Variants in UGP2 observed in about 807,000 individuals in gnomAD.
UGP2 encodes the protein UTP--glucose-1-phosphate uridylyltransferase.
In UGP2, 40 loss-of-function variants were observed where a neutral mutation model predicts 49.0. The ratio of observed to expected loss-of-function variants is 0.82; its 90% CI spans 0.63 to 1.06. The LOEUF (loss-of-function observed/expected upper bound fraction) is 1.06. UGP2 is among the 50% of genes least tolerant of loss of function. The pLI, the probability that UGP2 is intolerant of heterozygous loss-of-function variation, is 0.00. For synonymous variants in UGP2, 225 were observed against 213.0 expected (o/e 1.06, Z -0.49); for missense variants, 460 against 603.5 (o/e 0.76, Z 2.49).
At chr2:63,882,712 A>C in intron 4 of UGP2, 61 bp downstream of exon 4, 2 of 1,412,736 alleles carry the variant, frequency 1.4e-6, no homozygotes, top group Admixed American at 2.3e-5. Context: ...TTAAGTTATC[A>C]TAAATGTTAT....
At chr2:63,879,087 A>G (rs979058272) in intron 3 of UGP2, among the ~76,000 whole-genome samples, 1 of 152,144 alleles carries the variant, frequency 6.6e-6, no homozygotes, top group East Asian at 1.9e-4. Context: ...AAAATTAAAC[A>G]TGGTTCCTAA....
intron 1 of UGP2, among the ~76,000 whole-genome samples, chr2:63,852,328 TG>T (rs1329195947): frequency 6.6e-6 from 1 of 152,248 alleles, no homozygotes; most frequent in Non-Finnish European, 1.5e-5. Context: ...AGAATCTCTC[TG>T]GGAGCTTACC....
intron 1 of UGP2, among the ~76,000 whole-genome samples, chr2:63,845,892 G>A (rs1357487156): frequency 6.6e-6 from 1 of 152,092 alleles, no homozygotes; most frequent in Non-Finnish European, 1.5e-5. Flanking sequence ...TAAACTATTA[G>A]GTGGAAATGT....
rs879033238 is a variant in UGP2, at chr2:63,842,201, C to T, written c.16C>T (p.Gln6Ter). The T allele has an allele frequency of 5.6e-6, 9 of 1,601,358 alleles. No individual in the cohort carries two copies. In the South Asian group the frequency reaches 9.0e-5, roughly 16 times the overall value. ...AGCCCCTAAAATGTCGAGATTTGTACAAGGTAAGAAATGCTGCTGCTTATA... is the reference window on the plus strand; with the variant it reads ...AGCCCCTAAAATGTCGAGATTTGTATAAGGTAAGAAATGCTGCTGCTTATA... MSRFV[Q>*]DLSKAMSQDG... is the part of the protein sequence containing the mutation. The change falls in exon 1 of 10, where the codon CAA (glutamine) becomes TAA (stop). Residue 6 changes from glutamine to a stop codon, truncating the protein, a stop_gained. Transcript: ENST00000337130. LOFTEE classifies it high-confidence loss of function.
intron 3 of UGP2, among the ~76,000 whole-genome samples, chr2:63,882,015 T>A (rs762655329): frequency 1.3e-5 from 2 of 152,156 alleles, no homozygotes; most frequent in Non-Finnish European, 2.9e-5. Flanking sequence ...CCTCCTGTGG[T>A]AGAAGGAATA....
Position 63,842,118 on chromosome 2 carries a change from C to A in UGP2, c.-68C>A. ...TGTTAAAGCAGGAGAGGAAGAGAGA[C>A]CTGCCCTGTAGCGTGACTCCTCTAG... On this transcript the variant is annotated 5_prime_UTR_variant, in exon 1 of 10. Transcript: ENST00000337130. 1 of 1,540,302 alleles carries A rather than the reference C, an allele frequency of 6.5e-7. No homozygotes were observed. Among genetic ancestry groups the A allele is most frequent in the Non-Finnish European group, 8.7e-7 (1 of 1,152,404 alleles).
intron 3 of UGP2, among the ~76,000 whole-genome samples, chr2:63,874,166 A>G (rs1670751731): frequency 6.6e-6 from 1 of 152,228 alleles, no homozygotes. Flanking sequence ...TCAGGGTTCT[A>G]AAGTGAAAGG....
intron 3 of UGP2, among the ~76,000 whole-genome samples, chr2:63,860,762 ATTTTT>A (rs556819048): frequency 8.1e-6 from 1 of 123,702 alleles, no homozygotes; most frequent in Admixed American, 8.7e-5. Context: ...GGCCCAGCTA[ATTTTT>A]TTTTTTTTTT....
intron 1 of UGP2, chr2:63,842,450 G>T: frequency 6.5e-7 from 1 of 1,548,322 alleles, no homozygotes; most frequent in Non-Finnish European, 8.7e-7. Flanking sequence ...TAGTAGTACC[G>T]TCGCTTTCCT....
At chr2:63,844,844 G>A (rs1158824526) in intron 1 of UGP2, among the ~76,000 whole-genome samples, 1 of 152,196 alleles carries the variant, frequency 6.6e-6, no homozygotes, top group Non-Finnish European at 1.5e-5. Flanking sequence ...TTACAGGTGT[G>A]AGCTGCTAGT....
intron 3 of UGP2, among the ~76,000 whole-genome samples, chr2:63,881,634 G>C (rs1010623980): frequency 6.6e-6 from 1 of 152,194 alleles, no homozygotes; most frequent in African/African-American, 2.4e-5. Context: ...CTGCTTTGAA[G>C]AAAAGAATCT....
At chr2:63,862,391 T>G (rs757081189) in intron 3 of UGP2, among the ~76,000 whole-genome samples, 1 of 152,144 alleles carries the variant, frequency 6.6e-6, no homozygotes, top group Non-Finnish European at 1.5e-5. Context: ...AACTTTTGAT[T>G]TCATGATGAA....
At chr2:63,859,668 A>G (rs1669699415) in intron 3 of UGP2, among the ~76,000 whole-genome samples, 1 of 152,220 alleles carries the variant, frequency 6.6e-6, no homozygotes, top group Non-Finnish European at 1.5e-5. Context: ...GAATTGATAT[A>G]GGACAAAAGA....
At position 63,882,341 on chromosome 2, in the gene UGP2, T is replaced by A. The variant is rs1232520934; in HGVS notation, c.256-125T>A. On this transcript the variant is annotated intron_variant, in intron 3 of 9. Coordinates refer to ENST00000337130, the MANE Select transcript of UGP2 (RefSeq NM_006759.4). ...AAGGGCCTATGACATTAAAGAAAAG[T>A]TGATTAAAACTTTCCACAGAGAAAC... is the stretch of plus-strand genomic sequence containing the variant. The A allele has an allele frequency of 1.4e-5, 12 of 888,006 alleles. No homozygotes were observed. In the Admixed American group the frequency reaches 4.0e-4, roughly 29 times the overall value. 55.0% of individuals were successfully genotyped at this position (888,006 alleles called of 1,614,324 possible). A position where few individuals can be genotyped will look rare whatever the true frequency, so the allele number is the denominator to read the frequency against.
intron 3 of UGP2, among the ~76,000 whole-genome samples, chr2:63,870,143 C>T (rs551125213): frequency 3.9e-5 from 6 of 152,122 alleles, no homozygotes; most frequent in Non-Finnish European, 8.8e-5. Flanking sequence ...AGGATGATCT[C>T]GATATCCTGA....
intron 3 of UGP2, among the ~76,000 whole-genome samples, chr2:63,863,418 G>A (rs1190926592): frequency 4.6e-5 from 7 of 151,918 alleles, no homozygotes; most frequent in Admixed American, 1.3e-4. Context: ...GGTTTAAAGT[G>A]CACAGTTGGG....
At chr2:63,874,196 G>A (rs1179758159) in intron 3 of UGP2, among the ~76,000 whole-genome samples, 3 of 152,178 alleles carry the variant, frequency 2.0e-5, no homozygotes, top group South Asian at 2.1e-4. Flanking sequence ...TGATGTTGGG[G>A]TAGGCAGCTA....
At chr2:63,847,973 G>T (rs1450626753) in intron 1 of UGP2, among the ~76,000 whole-genome samples, 3 of 152,224 alleles carry the variant, frequency 2.0e-5, no homozygotes, top group Non-Finnish European at 2.9e-5. Flanking sequence ...AACATAAACA[G>T]ATATTTGAAA....
rs567692479 is a variant in UGP2 at position 63,845,716 on chromosome 2, A to G, written c.19+3512A>G. Among the ~76,000 whole-genome samples the G allele has an allele frequency of 2.6e-5, 4 of 152,230 alleles. 1 individual carries two copies. Among genetic ancestry groups the G allele is most frequent in the African/African-American group, 7.2e-5 (3 of 41,534 alleles). ...GGATTTCTGGCATATCCCTTATGGT[A>G]GGCACTGAAGTTCAGCAGATCTGGG... On this transcript the variant is annotated intron_variant, in intron 1 of 9. Transcript: ENST00000337130.
Sources: allele counts gnomAD v4.1 joint callset (sites outside exome capture counted in the v4.1 genomes callset), GRCh38; gene constraint gnomAD v4.1.1; transcripts MANE v1.5; gene names NCBI Gene and HGNC (gene_info 2026-07-23, HGNC 2026-07-21).